SOS2: variants seen among roughly 807,000 people sequenced by gnomAD.
SOS2 encodes SOS Ras/Rho guanine nucleotide exchange factor 2.
In SOS2, 65 loss-of-function variants were observed where a neutral mutation model predicts 148.2. That is an observed-to-expected ratio of 0.44 (90% confidence interval 0.36 to 0.54). The LOEUF (loss-of-function observed/expected upper bound fraction) is 0.54, where lower values mean the gene tolerates loss of function less well. Among genes scored for constraint, SOS2 ranks in the 20% least tolerant of loss-of-function variants. SOS2 has a pLI of 0.00. For missense variants in SOS2, 1,341 were observed against 1,590.2 expected, an observed-to-expected ratio of 0.84 and a Z score of 2.67; for synonymous variants, 539 against 537.1, an observed-to-expected ratio of 1.00 and a Z score of -0.05.
At chr14:50,168,706 C>T (rs1024846117) in intron 8 of SOS2, among the ~76,000 whole-genome samples, 1 of 152,110 alleles carries the variant, frequency 6.6e-6, no homozygotes, top group Non-Finnish European at 1.5e-5. Context: ...GCTCAGTACT[C>T]ATCCAAAATA....
At chr14:50,120,033 G>A (rs1179422933) in intron 22 of SOS2, among the ~76,000 whole-genome samples, 1 of 151,938 alleles carries the variant, frequency 6.6e-6, no homozygotes, top group African/African-American at 2.4e-5. Context: ...GGCTGGTCTC[G>A]AACTCCTGAT....
chr14:50,217,424 T>A (rs1887068270), intron 1 of SOS2, among the ~76,000 whole-genome samples: 1 of 152,102 alleles, frequency 6.6e-6, no homozygotes, highest in Non-Finnish European at 1.5e-5. Flanking sequence ...ACAGGCTAGG[T>A]ATGGTGGATC....
Position 50,138,589 on chromosome 14 carries a change from A to G in SOS2, c.2958+23T>C, listed in dbSNP as rs1594964877. ...TACCCATTAACACGTTCTCTTCTAA[A>G]GATATGCAAAGAAAATATTTACCCT... On this transcript the variant is annotated intron_variant, in intron 18 of 22. Coordinates refer to ENST00000216373, the MANE Select transcript of SOS2 (RefSeq NM_006939.4). 3.0e-6 allele frequency: 4 copies of G among 1,348,482 alleles called. No individual in the cohort carries two copies. In the African/African-American group the frequency reaches 6.0e-5, roughly 20 times the overall value. The allele number at this position is 1,348,482 out of a possible 1,614,324, so 83.5% of individuals were successfully genotyped here. A position where few individuals can be genotyped will look rare whatever the true frequency, so the allele number is the denominator to read the frequency against.
Position 50,153,088 on chromosome 14 carries a change from A to G in SOS2, c.2143T>C (p.Phe715Leu). The change falls in exon 13 of 23, where the codon TTC (phenylalanine) becomes CTC (leucine). Residue 715 changes from phenylalanine (F) to leucine (L), a missense_variant. By Grantham distance (22) the Phe-to-Leu change is conservative (BLOSUM62 0). Transcript: ENST00000216373. ...AATATACCTCTTACACTTGAAATGA[A>G]GGATTCTAGTCTTTCAAGCAATTCC... ...DLELLERLES[F>L]ISSVRGKAMK... 1 of 1,568,464 alleles carries G rather than the reference A, an allele frequency of 6.4e-7. No homozygotes were observed. Among genetic ancestry groups the G allele is most frequent in the Non-Finnish European group, 8.8e-7 (1 of 1,141,602 alleles).
intron 1 of SOS2, among the ~76,000 whole-genome samples, chr14:50,209,509 G>A (rs1440857276): frequency 1.3e-5 from 2 of 152,132 alleles, no homozygotes; most frequent in East Asian, 1.9e-4. Flanking sequence ...GCTCACTCCT[G>A]TAATCCCAGC....
chr14:50,224,303 AAATAT>A (rs1183912447), intron 1 of SOS2, among the ~76,000 whole-genome samples: 14 of 72,542 alleles, frequency 1.9e-4, no homozygotes, highest in African/African-American at 2.3e-4. Flanking sequence ...GAAAAAAAAA[AAATAT>A]ATATATACAC....
intron 21 of SOS2, among the ~76,000 whole-genome samples, chr14:50,124,110 T>C (rs536328419): frequency 1.3e-5 from 2 of 152,246 alleles, no homozygotes; most frequent in Non-Finnish European, 2.9e-5. Flanking sequence ...CAACTGGAGA[T>C]GTTAAATGGG....
At chr14:50,198,987 C>A (rs1029541064) in intron 4 of SOS2, among the ~76,000 whole-genome samples, 2 of 152,106 alleles carry the variant, frequency 1.3e-5, no homozygotes, top group Non-Finnish European at 2.9e-5. Context: ...AACCCTATCT[C>A]TCCAAAAAAT....
chr14:50,192,319 C>T (rs1886167806), intron 4 of SOS2, among the ~76,000 whole-genome samples: 1 of 152,080 alleles, frequency 6.6e-6, no homozygotes, highest in South Asian at 2.1e-4. Context: ...ACTTTAGAGG[C>T]CAAGGTGGAT....
intron 8 of SOS2, among the ~76,000 whole-genome samples, chr14:50,171,868 A>C (rs1473095202): frequency 6.6e-6 from 1 of 152,102 alleles, no homozygotes; most frequent in Non-Finnish European, 1.5e-5. Context: ...CAATTTATTT[A>C]CCCTTTTCTG....
chr14:50,121,811 T>G (rs1252840135), intron 21 of SOS2, among the ~76,000 whole-genome samples: 1 of 152,176 alleles, frequency 6.6e-6, no homozygotes, highest in African/African-American at 2.4e-5. Context: ...GCAGATGGTG[T>G]GGGGAGGTTA....
intron 6 of SOS2, among the ~76,000 whole-genome samples, chr14:50,181,443 A>C (rs1383948706): frequency 4.8e-5 from 2 of 41,932 alleles, no homozygotes; most frequent in Admixed American, 2.8e-4. Flanking sequence ...GGGAGACTCC[A>C]TGTCAAAAAA....
intron 14 of SOS2, among the ~76,000 whole-genome samples, chr14:50,149,363 C>T (rs995818086): frequency 2.0e-5 from 3 of 151,888 alleles, no homozygotes; most frequent in East Asian, 1.9e-4. Flanking sequence ...TGGATGAGCC[C>T]GGAGGACCTT....
chr14:50,132,097 T>C (rs1004172725), intron 19 of SOS2, among the ~76,000 whole-genome samples: 1 of 152,146 alleles, frequency 6.6e-6, no homozygotes, highest in African/African-American at 2.4e-5. Flanking sequence ...AAGCATTTGT[T>C]TGAAAAACTG....
Position 50,161,621 on chromosome 14 carries a change from CAGAA to C in SOS2, c.1069-16_1069-13del. 3.1e-6 allele frequency: 5 copies of C among 1,607,544 alleles called. No individual in the cohort carries two copies. Among genetic ancestry groups the C allele is most frequent in the South Asian group, 1.1e-5 (1 of 89,482 alleles). On this transcript the variant is annotated splice_polypyrimidine_tract_variant and intron_variant, in intron 8 of 22. Coordinates refer to ENST00000216373, the MANE Select transcript of SOS2 (RefSeq NM_006939.4). ...CATGCTTTCAATTGCTAAGAAAAAA[CAGAA>C]AGAAAAATCAAAACTGCATTGTTTG...
intron 13 of SOS2, among the ~76,000 whole-genome samples, chr14:50,150,774 G>C (rs949431301): frequency 1.3e-5 from 2 of 152,000 alleles, no homozygotes; most frequent in African/African-American, 4.8e-5. Context: ...CCAGGCTGGA[G>C]AATAATGGCG....
At chr14:50,220,011 C>A (rs566321751) in intron 1 of SOS2, among the ~76,000 whole-genome samples, 4 of 151,894 alleles carry the variant, frequency 2.6e-5, no homozygotes, top group African/African-American at 9.7e-5. Flanking sequence ...GGCACTACCA[C>A]ACCAGCTCCC....
At chr14:50,200,099 T>C (rs746313122) in intron 3 of SOS2, among the ~76,000 whole-genome samples, 30 of 152,176 alleles carry the variant, frequency 2.0e-4, no homozygotes, top group Non-Finnish European at 2.4e-4. Flanking sequence ...GATCTTGATA[T>C]AGAAATCTTG....
At chr14:50,172,893 C>T (rs998085587) in intron 8 of SOS2, among the ~76,000 whole-genome samples, 1 of 152,182 alleles carries the variant, frequency 6.6e-6, no homozygotes, top group East Asian at 1.9e-4. Context: ...TCTATTACTG[C>T]TACTGATTTT....
Sources: gnomAD v4.1 joint callset for allele counts (sites outside exome capture counted in the v4.1 genomes callset) on GRCh38, gnomAD v4.1.1 for gene constraint, MANE v1.5 for transcripts, NCBI Gene and HGNC (gene_info 2026-07-23, HGNC 2026-07-21) for gene names.